The following CEP164 variants were observed in gnomAD, a reference collection of about 807,000 sequenced individuals.
CEP164 encodes centrosomal protein of 164 kDa.
In CEP164, 162 loss-of-function variants were observed where a neutral mutation model predicts 182.7. The observed-to-expected ratio is 0.89, with a 90% confidence interval of 0.78 to 1.01. The LOEUF (loss-of-function observed/expected upper bound fraction) is 1.01, where lower values mean the gene tolerates loss of function less well. CEP164 is among the 50% of genes least tolerant of loss of function. CEP164 has a pLI of 0.00. For missense variants in CEP164, 1,735 were observed against 1,790.4 expected (o/e 0.97, Z 0.56); for synonymous variants, 661 against 690.0 (o/e 0.96, Z 0.66).
At chr11:117,393,206 C>T in intron 20 of CEP164, 80 bp downstream of exon 20, 1 of 1,523,778 alleles carries the variant, frequency 6.6e-7, no homozygotes, top group Non-Finnish European at 8.8e-7. Context: ...CATGCACACA[C>T]ACATGCACGC....
At chr11:117,404,459 T>A (rs369044585) in intron 27 of CEP164, among the ~76,000 whole-genome samples, 4 of 152,322 alleles carry the variant, frequency 2.6e-5, no homozygotes, top group African/African-American at 9.6e-5. Flanking sequence ...TAGACCCTAT[T>A]TGCTTGGATA....
chr11:117,370,542 A>G (rs1185014719), intron 8 of CEP164, among the ~76,000 whole-genome samples: 1 of 152,212 alleles, frequency 6.6e-6, no homozygotes, highest in East Asian at 1.9e-4. Context: ...GATGGGGATC[A>G]GCTTGGGTAT....
At position 117,410,797 on chromosome 11, in the gene CEP164, A is replaced by G. The variant is rs769162821; in HGVS notation, c.4097-31A>G. On this transcript the variant is annotated intron_variant, in intron 30 of 32. Coordinates refer to ENST00000278935, the MANE Select transcript of CEP164 (RefSeq NM_014956.5). ...GTGGGCAGGGTGGTGACCACTGCCC[A>G]TTTCTGAGTCCTGTCCCCATGCTCT... 3 of 1,598,486 alleles carry G rather than the reference A, an allele frequency of 1.9e-6. No homozygotes were observed. In the African/African-American group the frequency reaches 4.0e-5, roughly 21 times the overall value.
chr11:117,356,669 G>A, intron 5 of CEP164: 1 of 1,222,970 alleles, frequency 8.2e-7, no homozygotes, highest in Non-Finnish European at 1.0e-6. Context: ...CAGGGAGGGA[G>A]CAGGTGGAGT....
At chr11:117,352,016 G>C (rs759907047) in intron 5 of CEP164, 28 bp downstream of exon 5, 10 of 1,548,716 alleles carry the variant, frequency 6.5e-6, no homozygotes, top group Non-Finnish European at 7.0e-6. Context: ...TCCTCCCAGA[G>C]AGGCCAGGGC....
intron 8 of CEP164, chr11:117,364,178 A>G (rs946326659): frequency 6.6e-6 from 1 of 152,220 alleles, no homozygotes; most frequent in Admixed American, 6.5e-5. Context: ...TATTTATACA[A>G]CCAATGAATC....
upstream of CEP164, chr11:117,323,933 A>T (rs537200420): frequency 2.1e-5 from 7 of 332,464 alleles, no homozygotes; most frequent in Admixed American, 1.6e-4. Flanking sequence ...CCATTTTAAA[A>T]ATCCGGTTAT....
rs746196536 is a variant in CEP164 at position 117,356,544 on chromosome 11, G to C, written c.393+4556G>C. ...TTCCAGCCAAGCAGCAGCACCCTCA[G>C]GCAGGGGCTAGTCCAGCAGAGCTCC... On this transcript the variant is annotated intron_variant, in intron 5 of 32. Coordinates refer to ENST00000278935, the MANE Select transcript of CEP164 (RefSeq NM_014956.5). 1.4e-5 allele frequency: 18 copies of C among 1,289,416 alleles called. No individual in the cohort carries two copies. The South Asian group carries it at 2.0e-4, about 14-fold the overall frequency. The allele number at this position is 1,289,416 out of a possible 1,614,324, so 79.9% of individuals were successfully genotyped here. A position where few individuals can be genotyped will look rare whatever the true frequency, so the allele number is the denominator to read the frequency against.
chr11:117,393,012 T>G lies in CEP164; in HGVS notation c.2502T>G (p.Ser834Arg). The change falls in exon 20 of 33, where the codon AGT (serine) becomes AGG (arginine). Residue 834 changes from serine to arginine, a missense_variant. Coordinates refer to ENST00000278935, the MANE Select transcript of CEP164 (RefSeq NM_014956.5). ...TGCCATCTCCCCTGCAGCTCAGCAG[T>G]CTCCTGCGAGAGAAGCGCCAGGAAG... ...HVAGYEHELS[S>R]LLREKRQEVE... 6.2e-7 allele frequency: 1 copy of G among 1,613,032 alleles called. No individual in the cohort carries two copies. Among genetic ancestry groups the G allele is most frequent in the Non-Finnish European group, 8.5e-7 (1 of 1,179,694 alleles).
At chr11:117,353,503 C>T (rs1037396698) in intron 5 of CEP164, among the ~76,000 whole-genome samples, 60 of 152,028 alleles carry the variant, frequency 3.9e-4, no homozygotes, top group South Asian at 4.2e-4. Context: ...AGGCAGGAGA[C>T]GGAATGAAGT....
intron 4 of CEP164, among the ~76,000 whole-genome samples, chr11:117,344,564 G>A (rs889711694): frequency 6.6e-6 from 1 of 152,166 alleles, no homozygotes; most frequent in African/African-American, 2.4e-5. Flanking sequence ...GATGTGCTGA[G>A]GGGTTGTTGT....
intron 5 of CEP164, chr11:117,355,202 AG>A (rs1258840324): frequency 7.8e-7 from 1 of 1,289,880 alleles, no homozygotes. Context: ...AATCTTAGGC[AG>A]GGCCCCAGCC....
chr11:117,387,264 G>A lies in CEP164; in HGVS notation c.1786G>A (p.Glu596Lys). The A allele has an allele frequency of 6.2e-7, 1 of 1,614,238 alleles. No homozygotes were observed. Among genetic ancestry groups the A allele is most frequent in the Non-Finnish European group, 8.5e-7 (1 of 1,180,030 alleles). ...QLSEAALKAM[E>K]EAVAQVLEQD... The stretch of plus-strand genomic sequence containing the variant: ...CTCAGAGGCTGCACTAAAGGCCATG[G>A]AAGAGGCAGTGGCCCAAGTACTCGA... The change falls in exon 15 of 33, where the codon GAA (glutamate) becomes AAA (lysine). Residue 596 changes from glutamate (E) to lysine (K), a missense_variant. Transcript: ENST00000278935.
At chr11:117,348,313 C>A (rs187635377) in intron 4 of CEP164, among the ~76,000 whole-genome samples, 2 of 152,054 alleles carry the variant, frequency 1.3e-5, no homozygotes, top group East Asian at 1.9e-4. Context: ...TAAAAAAAAT[C>A]GTCAATCCAA....
upstream of CEP164, among the ~76,000 whole-genome samples, chr11:117,323,557 G>C (rs920460952): frequency 6.6e-6 from 1 of 152,108 alleles, no homozygotes; most frequent in Non-Finnish European, 1.5e-5. Context: ...CAGTTAACAT[G>C]GGGGTGCTGA....
At position 117,394,219 on chromosome 11, in the gene CEP164, A is replaced by T; in HGVS notation, c.2617-131A>T. The T allele has an allele frequency of 1.6e-6, 2 of 1,240,546 alleles. No individual in the cohort carries two copies. Among genetic ancestry groups the T allele is most frequent in the East Asian group, 5.1e-5 (2 of 39,288 alleles). The allele number at this position is 1,240,546 out of a possible 1,614,324, so 76.8% of individuals were successfully genotyped here. On this transcript the variant is annotated intron_variant, in intron 20 of 32. Coordinates refer to ENST00000278935, the MANE Select transcript of CEP164 (RefSeq NM_014956.5). This position sits in a 1 kb window ranked among gnomAD's most constrained non-coding sequence, Gnocchi z 4.0. ...GTGCTTGTAACCCTCCTCTTCTCCA[A>T]GAGCTGGCTTTAGGGAGCCGATGGT...
intron 20 of CEP164, 96 bp downstream of exon 20, chr11:117,393,222 C>A: frequency 2.0e-6 from 3 of 1,497,198 alleles, no homozygotes; most frequent in Non-Finnish European, 2.7e-6. Context: ...CACGCACATG[C>A]ACACACACCC....
chr11:117,351,337 G>C (rs1465293879), intron 4 of CEP164, among the ~76,000 whole-genome samples: 1 of 152,104 alleles, frequency 6.6e-6, no homozygotes, highest in African/African-American at 2.4e-5. Context: ...TATGAGTTTA[G>C]AGTCTTCTGT....
intron 27 of CEP164, 118 bp from the exon 28 acceptor site, chr11:117,407,807 A>G (rs1350602870): frequency 4.7e-6 from 3 of 644,074 alleles, no homozygotes; most frequent in South Asian, 1.8e-5. Context: ...TCTCTGTTCC[A>G]GATGAGAAAG....
Sources: gnomAD v4.1 joint callset for allele counts (sites outside exome capture counted in the v4.1 genomes callset) on GRCh38, gnomAD v4.1.1 for gene constraint, Gnocchi (gnomAD v3.1) non-coding constraint, MANE v1.5 for transcripts, NCBI Gene and HGNC (gene_info 2026-07-23, HGNC 2026-07-21) for gene names.